Variants in LOXHD1 observed in about 807,000 individuals in gnomAD.
LOXHD1 encodes the protein lipoxygenase homology PLAT domains 1.
LOXHD1 carries 205 observed loss-of-function variants against 248.2 expected under a neutral mutation model. The ratio of observed to expected loss-of-function variants is 0.83; its 90% CI spans 0.74 to 0.93. The LOEUF (loss-of-function observed/expected upper bound fraction) is 0.93, where lower values mean the gene tolerates loss of function less well. LOXHD1 is among the 40% of genes least tolerant of loss of function. The pLI, the probability that LOXHD1 is intolerant of heterozygous loss-of-function variation, is 0.00. For missense variants in LOXHD1, 2,930 were observed against 2,971.6 expected, an observed-to-expected ratio of 0.99 and a Z score of 0.33; for synonymous variants, 1,113 against 1,162.8, an observed-to-expected ratio of 0.96 and a Z score of 0.87.
rs1015103122 is a variant in LOXHD1 at position 46,533,329 on chromosome 18, G to A, written c.4213-5C>T. On this transcript the variant is annotated splice_polypyrimidine_tract_variant and splice_region_variant and intron_variant, in intron 27 of 40. Transcript: ENST00000642948. ...GAAAGTCAAGGTCTCTGCACCCTGGGGTGAGGCAGAAAAAGGAAAATTAGC... is the reference window on the plus strand; with the variant it reads ...GAAAGTCAAGGTCTCTGCACCCTGGAGTGAGGCAGAAAAAGGAAAATTAGC... 1.9e-6 allele frequency: 3 copies of A among 1,551,194 alleles called. No individual in the cohort carries two copies. The highest frequency in any genetic ancestry group is 2.6e-6 in the Non-Finnish European group (3 of 1,146,856).
intron 40 of LOXHD1, among the ~76,000 whole-genome samples, chr18:46,482,686 G>C (rs999700748): frequency 1.3e-5 from 2 of 152,226 alleles, no homozygotes; most frequent in African/African-American, 4.8e-5. Context: ...CTGAGGGCCA[G>C]AGCCCATAGC....
chr18:46,571,242 T>A (rs1206854443), intron 15 of LOXHD1, among the ~76,000 whole-genome samples: 1 of 152,000 alleles, frequency 6.6e-6, no homozygotes, highest in Non-Finnish European at 1.5e-5. Context: ...CCAAGGTGGG[T>A]GGATCATTTG....
At chr18:46,608,066 A>G (rs2038447149) in intron 6 of LOXHD1, among the ~76,000 whole-genome samples, 1 of 148,114 alleles carries the variant, frequency 6.8e-6, no homozygotes, top group South Asian at 2.3e-4. Context: ...GGAAGGAAGG[A>G]AGGAAAGAAG....
chr18:46,615,907 T>C (rs895962614), intron 5 of LOXHD1, among the ~76,000 whole-genome samples: 5 of 152,244 alleles, frequency 3.3e-5, no homozygotes, highest in Non-Finnish European at 7.3e-5. Context: ...TATTGCATCA[T>C]TCTTTTTGTC....
At chr18:46,496,971 C>T (rs1162675234) in intron 37 of LOXHD1, among the ~76,000 whole-genome samples, 1 of 152,154 alleles carries the variant, frequency 6.6e-6, no homozygotes, top group African/African-American at 2.4e-5. Flanking sequence ...CCACTGCACT[C>T]CAGCCTGGGC....
intron 12 of LOXHD1, among the ~76,000 whole-genome samples, chr18:46,580,200 G>A (rs2037936764): frequency 6.6e-6 from 1 of 152,222 alleles, no homozygotes; most frequent in Non-Finnish European, 1.5e-5. Context: ...GGACTCTGAT[G>A]GAGCTGGCCA....
chr18:46,559,645 T>C, intron 19 of LOXHD1, 43 bp from the exon 20 acceptor site: 1 of 1,542,692 alleles, frequency 6.5e-7, no homozygotes, highest in Non-Finnish European at 8.8e-7. Context: ...CTCATGGCCA[T>C]GGGGTGTTTG....
In LOXHD1 at chr18:46,560,121, A is replaced by G. The variant is rs1461945135; in HGVS notation, c.3023T>C (p.Val1008Ala). ...CTTGCCAGCTGGCACCAACTCCACG[A>G]CAAGTTCGTTGTCCTCCTTGCCCCG... ...LARGKEDNEL[V>A]VELVPAGKPG... The change falls in exon 19 of 41, where the codon GTC becomes GCC. Residue 1008 changes from valine to alanine, a missense_variant. Transcript: ENST00000642948. 2 of 1,367,084 alleles carry G rather than the reference A, an allele frequency of 1.5e-6. No homozygotes were observed. The highest frequency in any genetic ancestry group is 2.0e-4 in the Middle Eastern group (1 of 5,054). 84.7% of individuals were successfully genotyped at this position (1,367,084 alleles called of 1,614,324 possible). A position where few individuals can be genotyped will look rare whatever the true frequency, so the allele number is the denominator to read the frequency against.
At chr18:46,508,881 C>T (rs1186856840) in intron 35 of LOXHD1, among the ~76,000 whole-genome samples, 1 of 152,062 alleles carries the variant, frequency 6.6e-6, no homozygotes, top group Non-Finnish European at 1.5e-5. Flanking sequence ...CAGCTTGGCC[C>T]TATGCCGTGG....
At chr18:46,617,904 T>C (rs2038611869) in intron 5 of LOXHD1, among the ~76,000 whole-genome samples, 1 of 152,218 alleles carries the variant, frequency 6.6e-6, no homozygotes, top group South Asian at 2.1e-4. Context: ...TTCCTAGAGA[T>C]GTGAAGCTTG....
At chr18:46,578,942 A>G (rs2037909786) in intron 13 of LOXHD1, among the ~76,000 whole-genome samples, 1 of 152,212 alleles carries the variant, frequency 6.6e-6, no homozygotes, top group South Asian at 2.1e-4. Context: ...AAACTTGCCT[A>G]GCTCTTTCCC....
chr18:46,595,665 C>G (rs2038246265), intron 8 of LOXHD1, among the ~76,000 whole-genome samples: 1 of 152,164 alleles, frequency 6.6e-6, no homozygotes, highest in Non-Finnish European at 1.5e-5. Context: ...TGTTGCACTC[C>G]ATTTTTTATG....
At chr18:46,531,236 A>T (rs1406715513) in intron 28 of LOXHD1, among the ~76,000 whole-genome samples, 1 of 148,384 alleles carries the variant, frequency 6.7e-6, no homozygotes, top group Non-Finnish European at 1.5e-5. Context: ...CTCCCACCCC[A>T]CTCTGCCCCA....
chr18:46,490,767 G>T (rs756768555), intron 37 of LOXHD1, among the ~76,000 whole-genome samples: 5 of 152,192 alleles, frequency 3.3e-5, no homozygotes, highest in Non-Finnish European at 7.4e-5. Context: ...GAGCCACCTC[G>T]CCCGGCGGTA....
rs1037619437 is a variant in LOXHD1, at chr18:46,594,411, C to T, written c.1190G>A (p.Trp397Ter). 1 of 1,551,564 alleles carries T rather than the reference C, an allele frequency of 6.4e-7. No individual in the cohort carries two copies. The highest frequency in any genetic ancestry group is 1.4e-5 in the African/African-American group (1 of 73,024). Residue 397 changes from tryptophan (W) to a stop codon, truncating the protein, a stop_gained, in exon 9 of 41, where the codon TGG (tryptophan) becomes TAG (stop). Coordinates refer to ENST00000642948, the MANE Select transcript of LOXHD1 (RefSeq NM_001384474.1). LOFTEE classifies it high-confidence loss of function. ...GIQQTFPCSN[W>*]LDEKKADGLI... ...CCCATCCGCTTTCTTCTCATCCAGCCAGTTGCTACAAGGGAAGGTCTGCTG... is the reference window on the plus strand; with the variant it reads ...CCCATCCGCTTTCTTCTCATCCAGCTAGTTGCTACAAGGGAAGGTCTGCTG...
chr18:46,540,878 T>C (rs766638673), intron 25 of LOXHD1, among the ~76,000 whole-genome samples: 28 of 152,144 alleles, frequency 1.8e-4, no homozygotes, highest in Non-Finnish European at 3.8e-4. Flanking sequence ...ATTTTAGACT[T>C]TGGATCAGAA....
intron 6 of LOXHD1, among the ~76,000 whole-genome samples, chr18:46,610,558 A>G (rs1018281652): frequency 1.3e-5 from 2 of 152,074 alleles, no homozygotes; most frequent in South Asian, 4.2e-4. Flanking sequence ...GAGAGAGAGG[A>G]AAAAAAGAGA....
intron 7 of LOXHD1, 36 bp from the exon 8 acceptor site, chr18:46,601,503 G>T (rs1403602807): frequency 6.4e-7 from 1 of 1,551,586 alleles, no homozygotes; most frequent in Admixed American, 2.0e-5. Flanking sequence ...AGTGTTCAAT[G>T]TGAGCTGCAT....
In LOXHD1 at chr18:46,547,939, T is replaced by C. The variant is rs577530699; in HGVS notation, c.3351-881A>G. Among the ~76,000 whole-genome samples, 6 of 152,374 alleles carry C rather than the reference T, an allele frequency of 3.9e-5. No homozygotes were observed. In the South Asian group the frequency reaches 1.2e-3, roughly 32 times the overall value. On this transcript the variant is annotated intron_variant, in intron 21 of 40. Coordinates refer to ENST00000642948, the MANE Select transcript of LOXHD1 (RefSeq NM_001384474.1). ...ATTCAAACTTAACTGGCAACCCTACTCTGTGCCTCAGTGTACCATAAAATA... is the reference window on the plus strand; with the variant it reads ...ATTCAAACTTAACTGGCAACCCTACCCTGTGCCTCAGTGTACCATAAAATA...
Sources: allele counts gnomAD v4.1 joint callset (sites outside exome capture counted in the v4.1 genomes callset), GRCh38; gene constraint gnomAD v4.1.1; transcripts MANE v1.5; gene names NCBI Gene and HGNC (gene_info 2026-07-23, HGNC 2026-07-21).